Variants in GLIS3 observed in about 807,000 individuals in gnomAD.
GLIS3 encodes the protein zinc finger protein GLIS3.
In GLIS3, 53 loss-of-function variants were observed where a neutral mutation model predicts 78.6. The ratio of observed to expected loss-of-function variants is 0.67; its 90% CI spans 0.54 to 0.85. GLIS3 has a LOEUF of 0.85. GLIS3 is among the 40% of genes least tolerant of loss of function. The pLI is 0.00. For missense variants in GLIS3, 1,703 were observed against 1,231.1 expected (o/e 1.38, Z -5.74); for synonymous variants, 684 against 509.9 (o/e 1.34, Z -4.60).
the GLIS3 span, among the ~76,000 whole-genome samples, chr9:4,409,220 G>T: frequency 6.6e-6 from 1 of 152,128 alleles, no homozygotes; most frequent in South Asian, 2.1e-4. Context: ...GTTGTTACCA[G>T]AATGGTTATT....
chr9:4,433,031 T>G, the GLIS3 span, among the ~76,000 whole-genome samples: 1 of 152,300 alleles, frequency 6.6e-6, no homozygotes, highest in African/African-American at 2.4e-5. Context: ...TCCCAGGTGT[T>G]TATAACCCTT....
chr9:4,409,743 C>T, the GLIS3 span, among the ~76,000 whole-genome samples: 4 of 151,688 alleles, frequency 2.6e-5, no homozygotes, highest in Non-Finnish European at 4.4e-5. Context: ...CACAAACTAT[C>T]AAAGTGAAAA....
rs548858955 is a variant in GLIS3, at chr9:4,007,847, T to C, written c.1711-70658A>G. 1.7e-3 allele frequency among the ~76,000 whole-genome samples: 236 copies of C among 139,594 alleles called. 1 individual carries two copies. The highest frequency in any genetic ancestry group is 6.0e-3 in the African/African-American group (231 of 38,230). 91.6% of individuals were successfully genotyped at this position (139,594 alleles called of 152,430 possible). On this transcript the variant is annotated intron_variant, in intron 4 of 10. Coordinates refer to ENST00000381971, the MANE Select transcript of GLIS3 (RefSeq NM_001042413.2). ...GCAATCACAGACATTCGTAAGACTA[T>C]TGCTTACCTCCAAATACCCATGGCA...
intron 2 of GLIS3, among the ~76,000 whole-genome samples, chr9:4,203,722 G>C (rs1390605679): frequency 6.6e-6 from 1 of 152,172 alleles, no homozygotes; most frequent in African/African-American, 2.4e-5. Context: ...CCCGTCAGTG[G>C]TGGATGGGAT....
upstream of GLIS3, among the ~76,000 whole-genome samples, chr9:4,352,272 C>G (rs561610941): frequency 6.6e-6 from 1 of 152,374 alleles, no homozygotes; most frequent in South Asian, 2.1e-4. Flanking sequence ...TTCTCAAAGT[C>G]ATGCAGGAAT....
chr9:4,435,428 T>C, the GLIS3 span, among the ~76,000 whole-genome samples: 1 of 152,214 alleles, frequency 6.6e-6, no homozygotes, highest in African/African-American at 2.4e-5. Flanking sequence ...TTCACTTGCA[T>C]GTGGAGCACA....
At chr9:4,333,711 G>T (rs1587391077) in intron 2 of GLIS3, among the ~76,000 whole-genome samples, 2 of 152,126 alleles carry the variant, frequency 1.3e-5, no homozygotes, top group Middle Eastern at 6.8e-3. Context: ...GGTGGCTCTA[G>T]ACGTAATTGT....
At chr9:4,161,675 CTTTTTTTTTTT>C (rs55904647) in intron 2 of GLIS3, among the ~76,000 whole-genome samples, 1 of 114,214 alleles carries the variant, frequency 8.8e-6, no homozygotes, top group Non-Finnish European at 1.7e-5. Flanking sequence ...TGCTAGAAGT[CTTTTTTTTTTT>C]TTTTTTTTTG....
At chr9:4,099,583 T>C (rs1410326888) in intron 4 of GLIS3, among the ~76,000 whole-genome samples, 1 of 152,186 alleles carries the variant, frequency 6.6e-6, no homozygotes, top group Non-Finnish European at 1.5e-5. Flanking sequence ...TCACATAATG[T>C]CACATTCTGA....
chr9:4,435,108 G>C, the GLIS3 span, among the ~76,000 whole-genome samples: 17 of 152,330 alleles, frequency 1.1e-4, no homozygotes, highest in African/African-American at 4.1e-4. Flanking sequence ...ATAGAGATAA[G>C]ATTCTTTGAG....
chr9:3,834,930 A>C (rs1818261809), intron 9 of GLIS3, among the ~76,000 whole-genome samples: 1 of 152,154 alleles, frequency 6.6e-6, no homozygotes, highest in Admixed American at 6.5e-5. Flanking sequence ...TTCACTTCAG[A>C]TTGCAGGCCT....
chr9:4,143,720 C>G (rs1365304671), intron 2 of GLIS3, among the ~76,000 whole-genome samples: 1 of 152,178 alleles, frequency 6.6e-6, no homozygotes, highest in Non-Finnish European at 1.5e-5. Context: ...TGACCAATAT[C>G]TCCCATTTTC....
At chr9:4,125,661 G>A in intron 3 of GLIS3, 73 bp downstream of exon 3, 1 of 947,206 alleles carries the variant, frequency 1.1e-6, no homozygotes, top group Non-Finnish European at 1.7e-6. Flanking sequence ...TGTGTATTCA[G>A]AAAGAGAACG....
At chr9:4,050,416 G>A (rs1273700719) in intron 4 of GLIS3, among the ~76,000 whole-genome samples, 7 of 152,050 alleles carry the variant, frequency 4.6e-5, no homozygotes, top group South Asian at 2.1e-4. Context: ...TTGTACACAG[G>A]GCGGGGAACA....
intron 6 of GLIS3, among the ~76,000 whole-genome samples, chr9:3,911,776 G>A (rs12348571): frequency 1.1e-4 from 17 of 152,118 alleles, no homozygotes; most frequent in African/African-American, 4.1e-4. Flanking sequence ...CATGAGATAA[G>A]AAAGCATTTC....
the GLIS3 span, among the ~76,000 whole-genome samples, chr9:4,439,740 A>C: frequency 3.3e-5 from 5 of 152,028 alleles, no homozygotes; most frequent in Non-Finnish European, 5.9e-5. Flanking sequence ...TGGTGTAATT[A>C]GTTTTTCATT....
chr9:3,891,333 T>A (rs1009629926), intron 7 of GLIS3, among the ~76,000 whole-genome samples: 1 of 152,212 alleles, frequency 6.6e-6, no homozygotes, highest in Non-Finnish European at 1.5e-5. Flanking sequence ...TTTCCATTTA[T>A]AAATGTTACA....
intron 8 of GLIS3, among the ~76,000 whole-genome samples, chr9:3,872,852 A>AAAC (rs1041309530): frequency 8.5e-5 from 13 of 152,204 alleles, no homozygotes; most frequent in Non-Finnish European, 1.9e-4. Context: ...AACAATCTAA[A>AAAC]AACATACCTC....
chr9:4,271,954 C>T (rs4740761), intron 2 of GLIS3, among the ~76,000 whole-genome samples: 92,742 of 151,896 alleles, frequency 0.61, 28,622 homozygotes, highest in East Asian at 0.74. Context: ...TTTTCTTAAT[C>T]TAATAATGCA....
Sources: gnomAD v4.1 joint callset for allele counts (sites outside exome capture counted in the v4.1 genomes callset) on GRCh38, gnomAD v4.1.1 for gene constraint, MANE v1.5 for transcripts, NCBI Gene and HGNC (gene_info 2026-07-23, HGNC 2026-07-21) for gene names.